The following MYO15A variants were observed in gnomAD, a reference collection of about 807,000 sequenced individuals.
MYO15A encodes the protein unconventional myosin-XV.
MYO15A carries 308 observed loss-of-function variants against 394.6 expected under a neutral mutation model. The observed-to-expected ratio is 0.78, with a 90% CI of 0.71 to 0.86. The LOEUF is 0.86. Ranked by LOEUF, MYO15A falls within the 40% of genes least tolerant of loss-of-function variation. The pLI is 0.00. For missense variants in MYO15A, 4,606 were observed against 4,799.1 expected (o/e 0.96, Z 1.19); for synonymous variants, 1,957 against 2,003.8 (o/e 0.98, Z 0.62).
At chr17:18,131,092 T>G in intron 8 of MYO15A, 147 bp from the exon 9 acceptor site, 1 of 752,628 alleles carries the variant, frequency 1.3e-6, no homozygotes, top group Non-Finnish European at 2.2e-6. Flanking sequence ...GACCTCAGGA[T>G]TCTCTAGGGA....
Position 18,143,873 on chromosome 17 carries a change from T to C in MYO15A, c.6050T>C (p.Leu2017Pro), listed in dbSNP as rs1555544890. 2 of 1,581,198 alleles carry C rather than the reference T, an allele frequency of 1.3e-6. No homozygotes were observed. The highest frequency in any genetic ancestry group is 1.7e-6 in the Non-Finnish European group (2 of 1,162,426). The change falls in exon 28 of 66, where the codon CTC (leucine) becomes CCC (proline). Residue 2017 changes from leucine (L) to proline (P), a missense_variant. Physicochemically the swap from Leu to Pro is moderately conservative, Grantham distance 98 (BLOSUM62 -3). Transcript: ENST00000647165. ...GCATTCCCTCCTCTTTCCACAGGCC[T>C]CGGGCTGGCCCAGGTGCCTCAGGTG... ...LAGLLQAVAG[L>P]GLAQVPQVAP...
intron 5 of MYO15A, 109 bp from the exon 6 acceptor site, chr17:18,126,682 G>A (rs1597769260): frequency 7.6e-7 from 1 of 1,324,164 alleles, no homozygotes; most frequent in East Asian, 2.3e-5. Flanking sequence ...AACAGGGTGA[G>A]GGGTGGGCAG....
At position 18,163,649 on chromosome 17, in the gene MYO15A, C is replaced by T; in HGVS notation, c.9691-93C>T. On this transcript the variant is annotated intron_variant, in intron 59 of 65. Coordinates refer to ENST00000647165, the MANE Select transcript of MYO15A (RefSeq NM_016239.4). Reference sequence around the variant, plus strand: ...CGCCTTTGTGAAGAGGGCTGAGGAACTCCACACATGGCCTCTGGGGGCCTG... The same window carrying T: ...CGCCTTTGTGAAGAGGGCTGAGGAATTCCACACATGGCCTCTGGGGGCCTG... The T allele has an allele frequency of 1.4e-5, 17 of 1,175,006 alleles. No individual in the cohort carries two copies. In the South Asian group the frequency reaches 1.9e-4, roughly 13 times the overall value. The allele number at this position is 1,175,006 out of a possible 1,614,324, so 72.8% of individuals were successfully genotyped here.
chr17:18,162,302 C>G (rs192461107), intron 57 of MYO15A, among the ~76,000 whole-genome samples: 1 of 152,114 alleles, frequency 6.6e-6, no homozygotes, highest in Non-Finnish European at 1.5e-5. Context: ...AGGGTGACAG[C>G]GGTTTCCAGG....
At chr17:18,133,858 A>G (rs949795615) in intron 12 of MYO15A, among the ~76,000 whole-genome samples, 5 of 152,162 alleles carry the variant, frequency 3.3e-5, no homozygotes, top group Admixed American at 3.3e-4. Context: ...GGGTTTCACC[A>G]TGTTGGCCAG....
At position 18,153,866 on chromosome 17, in the gene MYO15A, C is replaced by T; in HGVS notation, c.8058C>T (p.Asp2686=). 3 of 1,613,628 alleles carry T rather than the reference C, an allele frequency of 1.9e-6. No homozygotes were observed. The highest frequency in any genetic ancestry group is 1.7e-6 in the Non-Finnish European group (2 of 1,179,992). The change falls in exon 43 of 66, where the codon GAC becomes GAT. Residue 2686 remains aspartate, a synonymous_variant. Coordinates refer to ENST00000647165, the MANE Select transcript of MYO15A (RefSeq NM_016239.4). This position sits in a 1 kb window ranked among gnomAD's most constrained non-coding sequence, Gnocchi z 4.1. ...LINPNFYGYQ[D]APWKIFLRKE... ...ATCCCAACTTCTACGGCTATCAGGA[C>T]GCCCCCTGGAAGATCTTCCTGCGCA...
chr17:18,151,649 T>C, intron 40 of MYO15A, 122 bp downstream of exon 40: 1 of 1,357,804 alleles, frequency 7.4e-7, no homozygotes. Context: ...GGAGTTTCTT[T>C]ATACTGATGA....
Position 18,132,611 on chromosome 17 carries a change from C to A in MYO15A, c.4320+45C>A. ...TGAAGGCCCCTGGCCCTGGTCCTCC[C>A]ACCCCGACGCCCCTGGCTGGGCCTT... On this transcript the variant is annotated intron_variant, in intron 11 of 65. Transcript: ENST00000647165. The surrounding 1 kb of genome is among the most constrained non-coding windows in gnomAD (Gnocchi z 4.6). The A allele has an allele frequency of 6.6e-7, 1 of 1,525,328 alleles. No homozygotes were observed. Among genetic ancestry groups the A allele is most frequent in the South Asian group, 1.1e-5 (1 of 89,388 alleles). 94.5% of individuals were successfully genotyped at this position (1,525,328 alleles called of 1,614,324 possible).
chr17:18,163,238 C>T lies in MYO15A; in HGVS notation c.9613-6C>T, dbSNP rs368823611. The T allele has an allele frequency of 2.5e-6, 4 of 1,614,088 alleles. No individual in the cohort carries two copies. The highest frequency in any genetic ancestry group is 4.5e-5 in the East Asian group (2 of 44,884). ...CTGTCATCCCTCTCCCACCTATCTACCCCAGGCAGGCCGCAGTTCCAAGAG... is the reference window on the plus strand; with the variant it reads ...CTGTCATCCCTCTCCCACCTATCTATCCCAGGCAGGCCGCAGTTCCAAGAG... On this transcript the variant is annotated splice_region_variant and splice_polypyrimidine_tract_variant and intron_variant, in intron 58 of 65. Transcript: ENST00000647165.
Position 18,119,843 on chromosome 17 carries a change from C to A in MYO15A, c.1043C>A (p.Pro348Gln), listed in dbSNP as rs202142174. ...PYGYYLDPYA[P>Q]YDAPYPPYDL... ...GGCTACTACCTGGATCCCTATGCGCCGTACGACGCGCCATACCCACCCTAT... is the reference window on the plus strand; with the variant it reads ...GGCTACTACCTGGATCCCTATGCGCAGTACGACGCGCCATACCCACCCTAT... The change falls in exon 2 of 66, where the codon CCG (proline) becomes CAG (glutamine). Residue 348 changes from proline (P) to glutamine (Q), a missense_variant. Around this residue, in one of 2 missense-constraint regions of MYO15A, gnomAD observed 1,830 missense variants for 1,689.7 expected, o/e 1.08. Transcript: ENST00000647165. 125 of 1,613,074 alleles carry A rather than the reference C, an allele frequency of 7.7e-5. No homozygotes were observed. The highest frequency in any genetic ancestry group is 4.9e-4 in the Middle Eastern group (3 of 6,062).
At position 18,156,180 on chromosome 17, in the gene MYO15A, C is replaced by T. The variant is rs861278; in HGVS notation, c.8460-15C>T. 0.38 allele frequency: 618,691 copies of T among 1,613,590 alleles called. 124,731 individuals are homozygous for T. Among genetic ancestry groups the T allele is most frequent in the Non-Finnish European group, 0.42 (495,938 of 1,179,700 alleles). On this transcript the variant is annotated splice_polypyrimidine_tract_variant and intron_variant, in intron 47 of 65. Transcript: ENST00000647165. The stretch of plus-strand genomic sequence containing the variant: ...CCCTCTGGCAGGGGAGTCATGCCAC[C>T]GGCCCATCCTCCAGCTTTGCAGATA...
At chr17:18,149,633 CCCA>C in intron 35 of MYO15A, 53 bp downstream of exon 35, 8 of 1,558,410 alleles carry the variant, frequency 5.1e-6, no homozygotes, top group Non-Finnish European at 7.1e-6. Context: ...AGCATGTACA[CCCA>C]AGTCACACAC....
At chr17:18,152,208 G>A (rs1489282661) in intron 42 of MYO15A, 24 bp downstream of exon 42, 3 of 1,542,666 alleles carry the variant, frequency 1.9e-6, no homozygotes, top group Admixed American at 2.0e-5. Flanking sequence ...GAGGGAGGGA[G>A]GGGAGGGTGT....
At chr17:18,158,013 G>A in intron 51 of MYO15A, 113 bp downstream of exon 51, 1 of 1,369,960 alleles carries the variant, frequency 7.3e-7, no homozygotes, top group South Asian at 1.5e-5. Context: ...AGGCTCTTGG[G>A]GCGTGGCTGA....
Position 18,163,242 on chromosome 17 carries a change from A to T in MYO15A, c.9613-2A>T. The T allele has an allele frequency of 6.2e-7, 1 of 1,614,146 alleles. No individual in the cohort carries two copies. Among genetic ancestry groups the T allele is most frequent in the African/African-American group, 1.3e-5 (1 of 75,050 alleles). On this transcript the variant is annotated splice_acceptor_variant, in intron 58 of 65. Coordinates refer to ENST00000647165, the MANE Select transcript of MYO15A (RefSeq NM_016239.4). LOFTEE classifies it high-confidence loss of function. ...CATCCCTCTCCCACCTATCTACCCC[A>T]GGCAGGCCGCAGTTCCAAGAGGCAA...
At position 18,166,410 on chromosome 17, in the gene MYO15A, C is replaced by T. The variant is rs755440405; in HGVS notation, c.9837C>T (p.Ala3279=). 3 of 1,614,022 alleles carry T rather than the reference C, an allele frequency of 1.9e-6. No homozygotes were observed. In the South Asian group the frequency reaches 3.3e-5, roughly 18 times the overall value. ...GCCGTGCTTACATCCTGGATGTGGC[C>T]TCAGAGATGGAGCAGGTGGACGGCG... ...LSRRAYILDV[A]SEMEQVDGGY... The change falls in exon 61 of 66, where the codon GCC becomes GCT. Residue 3279 remains alanine, a synonymous_variant. Transcript: ENST00000647165.
chr17:18,123,695 T>G, intron 2 of MYO15A: 1 of 153,640 alleles, frequency 6.5e-6, no homozygotes, highest in African/African-American at 2.4e-5. Flanking sequence ...GTGTATGGGG[T>G]CTGAGCAGAT....
chr17:18,167,811 C>G (rs1418332124), intron 62 of MYO15A, 88 bp downstream of exon 62: 1 of 1,569,602 alleles, frequency 6.4e-7, no homozygotes, highest in Admixed American at 1.8e-5. Flanking sequence ...GCTGGCAGTC[C>G]CCAGGCCCTC....
chr17:18,121,209 G>A lies in MYO15A; in HGVS notation c.2409G>A (p.Thr803=), dbSNP rs536053218. 20 of 1,500,158 alleles carry A rather than the reference G, an allele frequency of 1.3e-5. No individual in the cohort carries two copies. Among genetic ancestry groups the A allele is most frequent in the Non-Finnish European group, 1.8e-5 (20 of 1,131,130 alleles). The allele number at this position is 1,500,158 out of a possible 1,614,324, so 92.9% of individuals were successfully genotyped here. A position where few individuals can be genotyped will look rare whatever the true frequency, so the allele number is the denominator to read the frequency against. The part of the protein sequence containing the change: ...APPSPQLSLR[T]GPFQPPFLPP... ...CGTCGCCTCAGCTGTCCTTGCGCACGGGCCCCTTCCAGCCGCCCTTCCTGC... is the reference window on the plus strand; with the variant it reads ...CGTCGCCTCAGCTGTCCTTGCGCACAGGCCCCTTCCAGCCGCCCTTCCTGC... The change falls in exon 2 of 66, where the codon ACG becomes ACA. Residue 803 remains threonine, a synonymous_variant. Coordinates refer to ENST00000647165, the MANE Select transcript of MYO15A (RefSeq NM_016239.4). This position sits in a 1 kb window ranked among gnomAD's most constrained non-coding sequence, Gnocchi z 5.3.
Sources: gnomAD v4.1 joint callset for allele counts (sites outside exome capture counted in the v4.1 genomes callset) on GRCh38, gnomAD v4.1.1 for gene constraint, gnomAD v4.1.1 regional missense constraint, Gnocchi (gnomAD v3.1) non-coding constraint, MANE v1.5 for transcripts, NCBI Gene and HGNC (gene_info 2026-07-23, HGNC 2026-07-21) for gene names.